KLHL1: variants seen among roughly 807,000 people sequenced by gnomAD.
KLHL1 encodes the protein kelch like family member 1.
KLHL1 carries 47 observed loss-of-function variants against 77.7 expected under a neutral mutation model. That is an observed-to-expected ratio of 0.60 (90% CI 0.48 to 0.77). KLHL1 has a LOEUF of 0.77. Among genes scored for constraint, KLHL1 ranks in the 30% least tolerant of loss-of-function variants. The pLI is 0.00. For missense variants in KLHL1, 925 were observed against 910.8 expected (o/e 1.02, Z -0.20); for synonymous variants, 360 against 325.2 (o/e 1.11, Z -1.15).
intron 7 of KLHL1, among the ~76,000 whole-genome samples, chr13:69,767,225 CA>C (rs1266584475): frequency 2.0e-5 from 3 of 151,830 alleles, no homozygotes; most frequent in African/African-American, 4.8e-5. Context: ...TTGCTTAAAG[CA>C]AAATATATTT....
intron 6 of KLHL1, among the ~76,000 whole-genome samples, chr13:69,808,746 A>G (rs980803367): frequency 7.9e-5 from 12 of 152,278 alleles, no homozygotes; most frequent in African/African-American, 2.9e-4. Flanking sequence ...TGACAGATAT[A>G]GAATTAAGAA....
chr13:69,850,965 G>C (rs1879661893), intron 5 of KLHL1, among the ~76,000 whole-genome samples: 1 of 151,530 alleles, frequency 6.6e-6, no homozygotes, highest in African/African-American at 2.4e-5. Flanking sequence ...AATAGCGTTT[G>C]AAGGTTATCT....
chr13:69,701,829 A>G, intron 10 of KLHL1, 68 bp from the exon 11 acceptor site: 1 of 1,094,066 alleles, frequency 9.1e-7, no homozygotes, highest in South Asian at 1.5e-5. Context: ...TATATTTTAA[A>G]AGATTATCTA....
At chr13:70,000,518 TTTGA>T (rs1209901549) in intron 1 of KLHL1, among the ~76,000 whole-genome samples, 2 of 151,876 alleles carry the variant, frequency 1.3e-5, no homozygotes, top group South Asian at 2.1e-4. Flanking sequence ...CATATCAAAG[TTTGA>T]TTGATCTTTT....
intron 1 of KLHL1, among the ~76,000 whole-genome samples, chr13:70,045,447 T>C (rs563457472): frequency 1.1e-4 from 17 of 152,252 alleles, no homozygotes; most frequent in Middle Eastern, 6.8e-3. Flanking sequence ...AAAAATACCA[T>C]CTGTCAGAAA....
chr13:69,884,680 T>A (rs953444739), intron 4 of KLHL1, among the ~76,000 whole-genome samples: 4 of 152,184 alleles, frequency 2.6e-5, no homozygotes, highest in Admixed American at 2.0e-4. Context: ...CTCTTTATGG[T>A]GACCCTTGGG....
intron 5 of KLHL1, among the ~76,000 whole-genome samples, chr13:69,850,784 G>A (rs1879653952): frequency 6.6e-6 from 1 of 151,592 alleles, no homozygotes; most frequent in East Asian, 1.9e-4. Context: ...GTAACTTAAA[G>A]CACCTTGTTT....
chr13:69,968,369 A>C (rs1177056872), intron 2 of KLHL1, among the ~76,000 whole-genome samples: 1 of 149,686 alleles, frequency 6.7e-6, no homozygotes, highest in Non-Finnish European at 1.5e-5. Context: ...AAATATATAT[A>C]TAAATATACA....
chr13:70,020,225 C>CA (rs1885755238), intron 1 of KLHL1, among the ~76,000 whole-genome samples: 1 of 152,082 alleles, frequency 6.6e-6, no homozygotes, highest in African/African-American at 2.4e-5. Flanking sequence ...CTAACAGCAT[C>CA]AATACATAAA....
chr13:69,898,810 T>C (rs1459195000), intron 4 of KLHL1, among the ~76,000 whole-genome samples: 1 of 152,142 alleles, frequency 6.6e-6, no homozygotes, highest in Non-Finnish European at 1.5e-5. Context: ...TTCTATTCAA[T>C]GCCACATGTA....
intron 5 of KLHL1, among the ~76,000 whole-genome samples, chr13:69,879,255 T>C (rs1880889123): frequency 6.6e-6 from 1 of 152,138 alleles, no homozygotes; most frequent in Non-Finnish European, 1.5e-5. Context: ...TAGTATATAA[T>C]ACTTTGATTC....
chr13:69,809,348 A>C (rs550839451), intron 6 of KLHL1, among the ~76,000 whole-genome samples: 47 of 152,302 alleles, frequency 3.1e-4, no homozygotes, highest in African/African-American at 1.0e-3. Flanking sequence ...TGGCAGACTA[A>C]CAACATATTT....
At chr13:70,080,689 C>T (rs1328670313) in intron 1 of KLHL1, among the ~76,000 whole-genome samples, 2 of 152,060 alleles carry the variant, frequency 1.3e-5, no homozygotes, top group African/African-American at 2.4e-5. Flanking sequence ...CTCCACCTCC[C>T]GGGTTCATGC....
intron 5 of KLHL1, among the ~76,000 whole-genome samples, chr13:69,867,926 A>G (rs538857919): frequency 1.4e-4 from 21 of 152,098 alleles, no homozygotes; most frequent in Middle Eastern, 3.4e-3. Flanking sequence ...TGGGTGCAGC[A>G]CACCAACATG....
chr13:70,009,583 GGTAGTGAGA>G (rs1339840974), intron 1 of KLHL1, among the ~76,000 whole-genome samples: 1 of 152,082 alleles, frequency 6.6e-6, no homozygotes, highest in Non-Finnish European at 1.5e-5. Flanking sequence ...TTTGTTATTG[GGTAGTGAGA>G]GTTGGAAAAG....
Position 69,740,377 on chromosome 13 carries a change from G to GA in KLHL1, c.1802+16dup. On this transcript the variant is annotated intron_variant, in intron 8 of 10. Coordinates refer to ENST00000377844, the MANE Select transcript of KLHL1 (RefSeq NM_020866.3). Reference sequence around the variant, plus strand: ...CTTTTTTTCTAAGATTAAAAAATAAGAAAAAAATTTACTTACTTGCCATTC... The same window carrying GA: ...CTTTTTTTCTAAGATTAAAAAATAAGAAAAAAAATTTACTTACTTGCCATTC... 5 of 1,513,114 alleles carry GA rather than the reference G, an allele frequency of 3.3e-6. No individual in the cohort carries two copies. Among genetic ancestry groups the GA allele is most frequent in the Non-Finnish European group, 4.5e-6 (5 of 1,120,584 alleles). 93.7% of individuals were successfully genotyped at this position (1,513,114 alleles called of 1,614,324 possible).
At chr13:69,762,067 C>A (rs1186283842) in intron 7 of KLHL1, among the ~76,000 whole-genome samples, 23 of 152,122 alleles carry the variant, frequency 1.5e-4, no homozygotes, top group Admixed American at 1.5e-3. Context: ...TAGAAACTTT[C>A]CCATGCAAGA....
At chr13:69,934,710 C>G (rs1398176465) in intron 4 of KLHL1, among the ~76,000 whole-genome samples, 1 of 151,480 alleles carries the variant, frequency 6.6e-6, no homozygotes, top group Non-Finnish European at 1.5e-5. Flanking sequence ...CTCTTCTTGT[C>G]CCTCTCCACC....
chr13:70,047,686 A>C (rs1463157432), intron 1 of KLHL1, among the ~76,000 whole-genome samples: 2 of 152,214 alleles, frequency 1.3e-5, no homozygotes, highest in Non-Finnish European at 2.9e-5. Context: ...ACTCGCAGCT[A>C]AATACACAAA....
Sources: allele counts gnomAD v4.1 joint callset (sites outside exome capture counted in the v4.1 genomes callset), GRCh38; gene constraint gnomAD v4.1.1; transcripts MANE v1.5; gene names NCBI Gene and HGNC (gene_info 2026-07-23, HGNC 2026-07-21).